PRKDC: variants seen among roughly 807,000 people sequenced by gnomAD.
PRKDC encodes the protein DNA-dependent protein kinase catalytic subunit.
A neutral mutation model predicts 486.9 loss-of-function variants in PRKDC; 82 were observed. The ratio of observed to expected loss-of-function variants is 0.17; its 90% CI spans 0.14 to 0.20. The LOEUF (loss-of-function observed/expected upper bound fraction) is 0.20. Ranked by LOEUF, PRKDC falls within the 10% of genes least tolerant of loss-of-function variation. The pLI is 1.00. For missense variants in PRKDC, 4,504 were observed against 5,038.2 expected, an observed-to-expected ratio of 0.89 and a Z score of 3.21; for synonymous variants, 1,895 against 1,837.0, an observed-to-expected ratio of 1.03 and a Z score of -0.81.
At chr8:47,845,036 G>A (rs1419396877) in intron 54 of PRKDC, among the ~76,000 whole-genome samples, 1 of 152,134 alleles carries the variant, frequency 6.6e-6, no homozygotes, top group East Asian at 1.9e-4. Context: ...CCAACATAGT[G>A]AAACCCTGTC....
intron 7 of PRKDC, among the ~76,000 whole-genome samples, chr8:47,944,270 C>T (rs1287264346): frequency 1.3e-5 from 2 of 152,128 alleles, no homozygotes; most frequent in Non-Finnish European, 2.9e-5. Flanking sequence ...CTATCACTTA[C>T]AAGCTCTAAG....
intron 68 of PRKDC, among the ~76,000 whole-genome samples, chr8:47,812,168 C>A (rs943026797): frequency 6.6e-6 from 1 of 152,116 alleles, no homozygotes; most frequent in South Asian, 2.1e-4. Flanking sequence ...AAGGCAGAAA[C>A]AGACAATTCT....
At chr8:47,866,290 C>A (rs938214291) in intron 40 of PRKDC, among the ~76,000 whole-genome samples, 1 of 152,024 alleles carries the variant, frequency 6.6e-6, no homozygotes, top group African/African-American at 2.4e-5. Context: ...ACTGGCAGCA[C>A]GTTCTTGGAC....
chr8:47,789,232 T>C lies in PRKDC; in HGVS notation c.10677A>G (p.Lys3559=). The C allele has an allele frequency of 6.4e-7, 1 of 1,558,148 alleles. No individual in the cohort carries two copies. Among genetic ancestry groups the C allele is most frequent in the Non-Finnish European group, 8.6e-7 (1 of 1,158,056 alleles). Residue 3559 remains lysine, a synonymous_variant, in exon 75 of 86, where the codon AAA becomes AAG. Transcript: ENST00000314191. ...TCACTCCTCCTTGATCCAACTTACT[T>C]TTAATCCTATTTAAAAAAATTTACA... The part of the protein sequence containing the change: ...HKNKEFVARI[K]SKLDQGGVIQ...
intron 54 of PRKDC, among the ~76,000 whole-genome samples, chr8:47,843,528 C>A (rs1443847850): frequency 6.6e-6 from 1 of 152,138 alleles, no homozygotes; most frequent in African/African-American, 2.4e-5. Flanking sequence ...GGTGGGCATG[C>A]AAATTCAAGA....
At chr8:47,792,351 C>T (rs1273058058) in intron 74 of PRKDC, among the ~76,000 whole-genome samples, 5 of 151,498 alleles carry the variant, frequency 3.3e-5, no homozygotes, top group African/African-American at 1.2e-4. Flanking sequence ...CTCCGCCTCC[C>T]GGGTTCACGC....
chr8:47,778,358 A>C, intron 83 of PRKDC, 101 bp downstream of exon 83: 1 of 1,255,206 alleles, frequency 8.0e-7, no homozygotes, highest in Non-Finnish European at 1.1e-6. Context: ...AATCTAACTA[A>C]TATGTTGTTT....
intron 37 of PRKDC, 59 bp from the exon 38 acceptor site, chr8:47,881,579 G>T: frequency 3.5e-6 from 3 of 868,408 alleles, no homozygotes; most frequent in Non-Finnish European, 5.2e-6. Context: ...ATTTCCTTTA[G>T]CCCATTGCTC....
rs768848615 is a variant in PRKDC, at chr8:47,803,567, C to T, written c.9748-87G>A. On this transcript the variant is annotated intron_variant, in intron 69 of 85. Coordinates refer to ENST00000314191, the MANE Select transcript of PRKDC (RefSeq NM_006904.7). ...TAATTGGCCTGCTTCCCCCTTTGCACGACACAATCCACCTTAGAGTAGCGA... is the reference window on the plus strand; with the variant it reads ...TAATTGGCCTGCTTCCCCCTTTGCATGACACAATCCACCTTAGAGTAGCGA... 193 of 1,197,450 alleles carry T rather than the reference C, an allele frequency of 1.6e-4. 1 individual carries two copies. The South Asian group carries it at 1.7e-3, about 10-fold the overall frequency. 74.2% of individuals were successfully genotyped at this position (1,197,450 alleles called of 1,614,324 possible).
rs762741199 is a variant in PRKDC at position 47,785,241 on chromosome 8, T to C, written c.10979A>G (p.Asn3660Ser). ...TAAAAGTAGCATGTTGGTAATGTCGTTGAAGTCACTGAGCTTCATTCTCAG... is the reference window on the plus strand; with the variant it reads ...TAAAAGTAGCATGTTGGTAATGTCGCTGAAGTCACTGAGCTTCATTCTCAG... ...KLLRMKLSDF[N>S]DITNMLLLKM... Residue 3660 changes from asparagine (N) to serine (S), a missense_variant, in exon 77 of 86, where the codon AAC becomes AGC. By Grantham distance (46) the Asn-to-Ser change is conservative. Coordinates refer to ENST00000314191, the MANE Select transcript of PRKDC (RefSeq NM_006904.7). 8.9e-5 allele frequency: 144 copies of C among 1,613,680 alleles called. No homozygotes were observed. Among genetic ancestry groups the C allele is most frequent in the Non-Finnish European group, 1.1e-4 (134 of 1,179,772 alleles).
intron 7 of PRKDC, among the ~76,000 whole-genome samples, chr8:47,951,906 G>A (rs1202976547): frequency 1.3e-5 from 2 of 152,112 alleles, no homozygotes; most frequent in Non-Finnish European, 2.9e-5. Flanking sequence ...TCAAAACCAC[G>A]AGATATCCCT....
At chr8:47,818,373 A>C (rs1214542035) in intron 67 of PRKDC, among the ~76,000 whole-genome samples, 2 of 151,856 alleles carry the variant, frequency 1.3e-5, no homozygotes, top group East Asian at 3.9e-4. Context: ...AGGTCAGGAG[A>C]TCGAGACCAT....
chr8:47,884,346 T>G (rs2089283714), intron 36 of PRKDC, among the ~76,000 whole-genome samples: 1 of 152,216 alleles, frequency 6.6e-6, no homozygotes, highest in Non-Finnish European at 1.5e-5. Flanking sequence ...GCTCAGCACG[T>G]GTGGACCCCA....
chr8:47,843,280 C>T (rs1185770325), intron 54 of PRKDC, among the ~76,000 whole-genome samples: 1 of 151,926 alleles, frequency 6.6e-6, no homozygotes, highest in Non-Finnish European at 1.5e-5. Context: ...AAGAATAGAC[C>T]AAGCTAAGGA....
chr8:47,905,588 T>C (rs1009847501), intron 25 of PRKDC, among the ~76,000 whole-genome samples: 9 of 152,280 alleles, frequency 5.9e-5, no homozygotes, highest in Middle Eastern at 3.4e-3. Context: ...TCTCCCCTTG[T>C]GGTGACAAAA....
intron 37 of PRKDC, 27 bp downstream of exon 37, chr8:47,881,885 T>C (rs550834265): frequency 6.4e-7 from 1 of 1,568,276 alleles, no homozygotes; most frequent in African/African-American, 1.4e-5. Flanking sequence ...AGAATAAACA[T>C]GACTGCTTTT....
chr8:47,900,514 A>G lies in PRKDC; in HGVS notation c.3270-47T>C, dbSNP rs528780406. ...ACCTCACCTAAGAAAACAATAAAGC[A>G]GAAAGGACAAAGAAAAGAAGGAATG... On this transcript the variant is annotated intron_variant, in intron 27 of 85. Coordinates refer to ENST00000314191, the MANE Select transcript of PRKDC (RefSeq NM_006904.7). The G allele has an allele frequency of 1.8e-5, 26 of 1,460,760 alleles. No homozygotes were observed. In the African/African-American group the frequency reaches 3.7e-4, roughly 21 times the overall value. 90.5% of individuals were successfully genotyped at this position (1,460,760 alleles called of 1,614,324 possible).
intron 80 of PRKDC, among the ~76,000 whole-genome samples, chr8:47,779,563 T>TA (rs1255710029): frequency 1.3e-5 from 2 of 152,240 alleles, no homozygotes; most frequent in African/African-American, 2.4e-5. Flanking sequence ...TGTCTGTTTT[T>TA]ATCTTTATTT....
intron 26 of PRKDC, 118 bp from the exon 27 acceptor site, chr8:47,902,913 G>T: frequency 1.5e-6 from 1 of 666,004 alleles, no homozygotes; most frequent in Non-Finnish European, 2.2e-6. Flanking sequence ...TATAGCACTA[G>T]TCAAGAAAAA....
Sources: gnomAD v4.1 joint callset for allele counts (sites outside exome capture counted in the v4.1 genomes callset) on GRCh38, gnomAD v4.1.1 for gene constraint, MANE v1.5 for transcripts, NCBI Gene and HGNC (gene_info 2026-07-23, HGNC 2026-07-21) for gene names.